Variants in HERC3 observed in about 807,000 individuals in gnomAD.
The protein encoded by HERC3 is HECT and RLD domain containing E3 ubiquitin protein ligase 3.
Under a neutral mutation model 129.9 loss-of-function variants are expected in HERC3, and 58 were observed. The ratio of observed to expected loss-of-function variants is 0.45; its 90% CI spans 0.36 to 0.56. HERC3 has a LOEUF of 0.56. HERC3 is among the 20% of genes least tolerant of loss of function. HERC3 has a pLI of 0.00. For missense variants in HERC3, 835 were observed against 1,244.2 expected (o/e 0.67, Z 4.95); for synonymous variants, 430 against 451.0 (o/e 0.95, Z 0.59).
intron 16 of HERC3, among the ~76,000 whole-genome samples, chr4:88,672,005 A>G (rs2972017): frequency 0.44 from 67,363 of 151,946 alleles, 18,091 homozygotes; most frequent in African/African-American, 0.75. Context: ...CATTATGAGC[A>G]GAAAAATAAG....
intron 23 of HERC3, among the ~76,000 whole-genome samples, chr4:88,698,939 C>A (rs549631137): frequency 7.7e-6 from 1 of 130,362 alleles, no homozygotes; most frequent in East Asian, 2.6e-4. Context: ...CTCCTCACCC[C>A]CTTCTTCCTC....
intron 3 of HERC3, among the ~76,000 whole-genome samples, chr4:88,624,965 C>T (rs898985370): frequency 2.0e-5 from 3 of 152,138 alleles, no homozygotes; most frequent in Non-Finnish European, 2.9e-5. Context: ...GTATATCCCC[C>T]TGCTCCCTTG....
rs763900260 is a variant in HERC3 at position 88,655,944 on chromosome 4, A to G, written c.978A>G (p.Gln326=). The part of the protein sequence containing the change: ...IYAFGCGARG[Q]LGTGHTCNVK... ...CATTTGGTTGTGGAGCAAGAGGTCAATTAGGAACTGGGCACACTTGTAATG... is the reference window on the plus strand; with the variant it reads ...CATTTGGTTGTGGAGCAAGAGGTCAGTTAGGAACTGGGCACACTTGTAATG... Residue 326 remains glutamine, a synonymous_variant, in exon 9 of 26, where the codon CAA becomes CAG. Transcript: ENST00000402738. 1.2e-6 allele frequency: 2 copies of G among 1,614,140 alleles called. No homozygotes were observed. The highest frequency in any genetic ancestry group is 1.7e-6 in the Non-Finnish European group (2 of 1,179,958).
intron 2 of HERC3, 112 bp from the exon 3 acceptor site, chr4:88,605,683 C>A (rs1723546932): frequency 1.7e-6 from 1 of 595,340 alleles, no homozygotes; most frequent in Non-Finnish European, 2.9e-6. Flanking sequence ...TGTAAGATAT[C>A]TGAAGAATAT....
intron 3 of HERC3, among the ~76,000 whole-genome samples, chr4:88,643,823 T>C (rs1157292417): frequency 3.9e-5 from 6 of 152,274 alleles, no homozygotes; most frequent in Non-Finnish European, 1.5e-5. Context: ...CTTCATAACC[T>C]GAGGTTAGGC....
rs1366031718 is a variant in HERC3 at position 88,706,840 on chromosome 4, C to T, written c.3033C>T (p.Tyr1011=). ...VIQSTASGEE[Y]LPVAHTCYNL... ...AGTCCACAGCCAGCGGGGAGGAGTACTTGCCGGTGGCCCACACTTGCTACA... is the reference window on the plus strand; with the variant it reads ...AGTCCACAGCCAGCGGGGAGGAGTATTTGCCGGTGGCCCACACTTGCTACA... Residue 1011 remains tyrosine (Y), a synonymous_variant, in exon 26 of 26, where the codon TAC becomes TAT. Coordinates refer to ENST00000402738, the MANE Select transcript of HERC3 (RefSeq NM_014606.3). 1 of 1,614,158 alleles carries T rather than the reference C, an allele frequency of 6.2e-7. No individual in the cohort carries two copies. Among genetic ancestry groups the T allele is most frequent in the Admixed American group, 1.7e-5 (1 of 60,026 alleles).
chr4:88,594,833 G>C (rs1034601887), intron 1 of HERC3, among the ~76,000 whole-genome samples: 1 of 152,126 alleles, frequency 6.6e-6, no homozygotes. Context: ...GGGCGCAGTG[G>C]CTCACACCTG....
intron 16 of HERC3, among the ~76,000 whole-genome samples, chr4:88,675,856 T>C (rs1281665434): frequency 6.6e-6 from 1 of 152,048 alleles, no homozygotes; most frequent in African/African-American, 2.4e-5. Flanking sequence ...TAAAATCTAA[T>C]TTGTATTGTC....
chr4:88,642,659 G>A (rs1355523036), intron 3 of HERC3, among the ~76,000 whole-genome samples: 1 of 152,216 alleles, frequency 6.6e-6, no homozygotes, highest in African/African-American at 2.4e-5. Context: ...AAAGGGGCTA[G>A]CTAGCCAGCC....
At chr4:88,655,338 A>G (rs781039591) in intron 8 of HERC3, 34 bp downstream of exon 8, 16 of 1,610,032 alleles carry the variant, frequency 9.9e-6, no homozygotes, top group South Asian at 3.3e-5. Flanking sequence ...TGTATTCACT[A>G]GGACCCAGAA....
At chr4:88,569,114 G>A in the HERC3 span, among the ~76,000 whole-genome samples, 3 of 152,170 alleles carry the variant, frequency 2.0e-5, no homozygotes, top group Non-Finnish European at 4.4e-5. Flanking sequence ...GCCTGTGGTG[G>A]TGGGGCTAGC....
At chr4:88,544,049 C>A in the HERC3 span, among the ~76,000 whole-genome samples, 8 of 152,326 alleles carry the variant, frequency 5.3e-5, no homozygotes, top group South Asian at 1.7e-3. Context: ...GCAATGGCAA[C>A]AGAAGCCAAA....
At chr4:88,607,009 G>T (rs1265157208) in intron 3 of HERC3, among the ~76,000 whole-genome samples, 1 of 152,196 alleles carries the variant, frequency 6.6e-6, no homozygotes. Flanking sequence ...CAATGCGATT[G>T]CTGTTATGAG....
At chr4:88,651,593 G>A (rs1489407792) in intron 4 of HERC3, among the ~76,000 whole-genome samples, 1 of 152,184 alleles carries the variant, frequency 6.6e-6, no homozygotes, top group South Asian at 2.1e-4. Flanking sequence ...CACCTCAAGG[G>A]TACAATTTCT....
chr4:88,690,226 C>T, intron 23 of HERC3: 2 of 978,012 alleles, frequency 2.0e-6, no homozygotes, highest in African/African-American at 1.8e-5. Flanking sequence ...AATAATTTAT[C>T]TTCAGGATGT....
At chr4:88,574,840 C>A in the HERC3 span, among the ~76,000 whole-genome samples, 9 of 152,266 alleles carry the variant, frequency 5.9e-5, no homozygotes, top group South Asian at 1.9e-3. Context: ...TTACTTCTAC[C>A]TTTTGGCTAC....
chr4:88,686,560 A>G (rs1733486987), intron 21 of HERC3, among the ~76,000 whole-genome samples, 176 bp from the exon 22 acceptor site: 1 of 152,228 alleles, frequency 6.6e-6, no homozygotes, highest in Non-Finnish European at 1.5e-5. Context: ...GTCTAGTGCC[A>G]TAATTCTCTG....
chr4:88,690,362 T>C (rs1489416974), intron 23 of HERC3: 2 of 985,298 alleles, frequency 2.0e-6, no homozygotes, highest in African/African-American at 3.5e-5. Context: ...CCTCCTGGTT[T>C]TGGGGATTGC....
At chr4:88,563,366 A>G in the HERC3 span, among the ~76,000 whole-genome samples, 1 of 152,198 alleles carries the variant, frequency 6.6e-6, no homozygotes, top group Non-Finnish European at 1.5e-5. Context: ...CCTGAAACTT[A>G]CTGAATTTGT....
Sources: allele counts gnomAD v4.1 joint callset (sites outside exome capture counted in the v4.1 genomes callset), GRCh38; gene constraint gnomAD v4.1.1; transcripts MANE v1.5; gene names NCBI Gene and HGNC (gene_info 2026-07-23, HGNC 2026-07-21).